TENM2: variants seen among roughly 807,000 people sequenced by gnomAD.
The protein encoded by TENM2 is teneurin-2.
In TENM2, 52 loss-of-function variants were observed where a neutral mutation model predicts 245.2. That is an observed-to-expected ratio of 0.21 (90% CI 0.17 to 0.27). The LOEUF is 0.27. Among genes scored for constraint, TENM2 ranks in the 10% least tolerant of loss-of-function variants. The probability of loss-of-function intolerance (pLI) is 1.00; values close to 1 mark genes in which losing one functional copy is unlikely to be tolerated. For missense variants in TENM2, 3,046 were observed against 3,666.8 expected, an observed-to-expected ratio of 0.83 and a Z score of 4.37; for synonymous variants, 1,363 against 1,438.9, an observed-to-expected ratio of 0.95 and a Z score of 1.19.
chr5:167,421,332 A>G (rs1401803435), intron 2 of TENM2, among the ~76,000 whole-genome samples: 1 of 152,208 alleles, frequency 6.6e-6, no homozygotes, highest in African/African-American at 2.4e-5. Context: ...AGTCACTTAT[A>G]TTGAAATTAA....
intron 8 of TENM2, among the ~76,000 whole-genome samples, chr5:168,096,630 G>A (rs919894855): frequency 2.6e-5 from 4 of 152,190 alleles, no homozygotes; most frequent in African/African-American, 9.7e-5. Context: ...CAGAGTGGGA[G>A]TAAATGGGAA....
chr5:167,215,246 AAAT>A, the TENM2 span, among the ~76,000 whole-genome samples: 1 of 152,220 alleles, frequency 6.6e-6, no homozygotes, highest in Admixed American at 6.5e-5. Flanking sequence ...AGCTTTTGAA[AAAT>A]AATAATTGTT....
chr5:167,972,417 C>T (rs903219213), intron 4 of TENM2, among the ~76,000 whole-genome samples: 15 of 152,044 alleles, frequency 9.9e-5, no homozygotes, highest in African/African-American at 2.9e-4. Flanking sequence ...GTTTAAAGTC[C>T]GTGTAATATT....
intron 2 of TENM2, among the ~76,000 whole-genome samples, chr5:167,415,055 G>A (rs1355146115): frequency 6.6e-6 from 1 of 152,098 alleles, no homozygotes; most frequent in African/African-American, 2.4e-5. Context: ...TTCCTCACAA[G>A]TATCCACAGG....
chr5:167,605,826 C>T (rs566017960), intron 2 of TENM2, among the ~76,000 whole-genome samples: 1 of 152,068 alleles, frequency 6.6e-6, no homozygotes, highest in African/African-American at 2.4e-5. Context: ...GGTTCTTTCC[C>T]GGGAATGCAC....
intron 9 of TENM2, among the ~76,000 whole-genome samples, chr5:168,118,016 A>T (rs753940261): frequency 3.9e-5 from 6 of 152,196 alleles, no homozygotes; most frequent in Admixed American, 2.6e-4. Context: ...TCCACCTCAT[A>T]GGGTGATTAC....
intron 2 of TENM2, among the ~76,000 whole-genome samples, chr5:167,548,627 A>T (rs2127617591): frequency 6.6e-6 from 1 of 152,250 alleles, no homozygotes; most frequent in Non-Finnish European, 1.5e-5. Flanking sequence ...TTCATTCTAC[A>T]AGGGTTTCCA....
intron 2 of TENM2, among the ~76,000 whole-genome samples, chr5:167,636,813 G>T (rs73803914): frequency 0.055 from 8,314 of 152,140 alleles, 408 homozygotes; most frequent in African/African-American, 0.13. Flanking sequence ...TAAAATAATT[G>T]TATTGTACAT....
intron 1 of TENM2, among the ~76,000 whole-genome samples, chr5:167,304,904 A>G (rs1009465189): frequency 6.6e-6 from 1 of 152,204 alleles, no homozygotes; most frequent in African/African-American, 2.4e-5. Flanking sequence ...AAATTCCTTG[A>G]AAGACAGTGC....
At chr5:167,056,809 C>T in the TENM2 span, among the ~76,000 whole-genome samples, 4 of 150,740 alleles carry the variant, frequency 2.7e-5, no homozygotes, top group Non-Finnish European at 4.4e-5. Flanking sequence ...CCTCCTCTCC[C>T]TCCTATTTTC....
At chr5:167,445,022 G>A (rs184277666) in intron 2 of TENM2, among the ~76,000 whole-genome samples, 42 of 152,120 alleles carry the variant, frequency 2.8e-4, no homozygotes, top group Non-Finnish European at 5.6e-4. Flanking sequence ...TGAGCATTAA[G>A]AGTTATTATA....
intron 1 of TENM2, among the ~76,000 whole-genome samples, chr5:167,339,888 C>T (rs1369753330): frequency 1.3e-5 from 2 of 152,176 alleles, no homozygotes; most frequent in African/African-American, 4.8e-5. Flanking sequence ...AAGCAGCTCT[C>T]GTTACACGCT....
In TENM2 at chr5:168,153,218, T is replaced by TA. The variant is rs1187826144; in HGVS notation, c.2423-9384dup. Among the ~76,000 whole-genome samples, 44 of 150,950 alleles carry TA rather than the reference T, an allele frequency of 2.9e-4. 1 individual carries two copies. The highest frequency in any genetic ancestry group is 1.0e-3 in the African/African-American group (42 of 41,150). ...GCACATAGGAATCACCTGGGTAGCT[T>TA]AAAAAAAAAGGAAAGAAACTGATGT... On this transcript the variant is annotated intron_variant, in intron 12 of 28. Coordinates refer to ENST00000518659, the Ensembl canonical transcript of TENM2.
intron 2 of TENM2, among the ~76,000 whole-genome samples, chr5:167,557,266 C>T (rs1773317923): frequency 6.6e-6 from 1 of 152,030 alleles, no homozygotes; most frequent in Non-Finnish European, 1.5e-5. Context: ...ATGTAATTTT[C>T]ATCAATATTC....
intron 2 of TENM2, among the ~76,000 whole-genome samples, chr5:167,513,457 A>G (rs1417950898): frequency 1.3e-5 from 2 of 152,234 alleles, no homozygotes; most frequent in Non-Finnish European, 2.9e-5. Context: ...TATAATGGGC[A>G]TATAAATGCC....
intron 27 of TENM2, among the ~76,000 whole-genome samples, chr5:168,251,785 G>T (rs1767134769): frequency 6.6e-6 from 1 of 152,332 alleles, no homozygotes; most frequent in African/African-American, 2.4e-5. Flanking sequence ...AATGGTGGCT[G>T]TTTGGAGACA....
At chr5:167,774,397 A>C (rs919167106) in intron 2 of TENM2, among the ~76,000 whole-genome samples, 1 of 152,134 alleles carries the variant, frequency 6.6e-6, no homozygotes, top group Admixed American at 6.5e-5. Context: ...TGCATTGCCA[A>C]ATTAGTCCAA....
chr5:168,125,236 A>G lies in TENM2; in HGVS notation c.2209+186A>G, dbSNP rs80125822. 7.0e-3 allele frequency among the ~76,000 whole-genome samples: 1,059 copies of G among 152,298 alleles called. 15 individuals are homozygous for G. Among genetic ancestry groups the G allele is most frequent in the Middle Eastern group, 0.031 (9 of 294 alleles). ...AGTCTGTGATCTTTGAGAAACAAAC[A>G]AAAAAGCACTGGGTTGGTACCATCA... On this transcript the variant is annotated intron_variant, in intron 11 of 28. Coordinates refer to ENST00000518659, the Ensembl canonical transcript of TENM2.
chr5:167,743,948 A>C (rs13436693), intron 2 of TENM2, among the ~76,000 whole-genome samples: 20,265 of 152,150 alleles, frequency 0.13, 1,727 homozygotes, highest in African/African-American at 0.24. Context: ...GAGCTTGAAT[A>C]ATCATTATGC....
Sources: allele counts gnomAD v4.1 joint callset (sites outside exome capture counted in the v4.1 genomes callset), GRCh38; gene constraint gnomAD v4.1.1; transcripts MANE v1.5; gene names NCBI Gene and HGNC (gene_info 2026-07-23, HGNC 2026-07-21).